The following MIB1 variants were observed in gnomAD, a reference collection of about 807,000 sequenced individuals.
MIB1 encodes E3 ubiquitin-protein ligase MIB1.
MIB1 carries 278 observed loss-of-function variants against 124.5 expected under a neutral mutation model. The observed-to-expected ratio is 2.23, with a 90% CI of 2.02 to 2.47. MIB1 has a LOEUF of 2.47. MIB1 is among the 30% of genes most tolerant of loss of function. The pLI is 0.00. For synonymous variants in MIB1, 446 were observed against 429.4 expected, an observed-to-expected ratio of 1.04 and a Z score of -0.48; for missense variants, 957 against 1,254.4, an observed-to-expected ratio of 0.76 and a Z score of 3.58.
rs2041149175 is a variant in MIB1 at position 21,765,707 on chromosome 18, CA to C, written c.230-63del. 33 of 1,474,666 alleles carry C rather than the reference CA, an allele frequency of 2.2e-5. No individual in the cohort carries two copies. The South Asian group carries it at 3.8e-4, about 17-fold the overall frequency. 91.3% of individuals were successfully genotyped at this position (1,474,666 alleles called of 1,614,324 possible). ...ATGTTCTGTTCTTATTTTTTTCCCC[CA>C]AGGAATAATATTCAAATAAATAAAA... On this transcript the variant is annotated intron_variant, in intron 1 of 20. Coordinates refer to ENST00000261537, the MANE Select transcript of MIB1 (RefSeq NM_020774.4).
rs765387378 is a variant in MIB1, at chr18:21,853,202, CAT to C, written c.2650_2651del (p.Met884ValfsTer4). The C allele has an allele frequency of 2.5e-5, 40 of 1,611,278 alleles. No homozygotes were observed. Among genetic ancestry groups the C allele is most frequent in the Non-Finnish European group, 2.9e-5 (34 of 1,177,824 alleles). ...AAVLFQPCGHMCACENCANLM... is the reference protein window; with the variant it reads ...AAVLFQPCGHXCACENCANLM... ...CTGTTCTTTTTCAACCCTGTGGCCA[CAT>C]GTGTGCTTGTGAGAGTAAGTAGCCT... is the stretch of plus-strand genomic sequence containing the variant. On this transcript the variant is annotated frameshift_variant, in exon 18 of 21. Transcript: ENST00000261537. LOFTEE classifies it high-confidence loss of function.
intron 6 of MIB1, among the ~76,000 whole-genome samples, chr18:21,784,609 T>G (rs777734981): frequency 1.3e-5 from 2 of 152,214 alleles, no homozygotes; most frequent in Admixed American, 1.3e-4. Flanking sequence ...ATTCCAGTAT[T>G]GTAATAATCT....
chr18:21,856,258 A>AAAC (rs2042227176), intron 18 of MIB1, among the ~76,000 whole-genome samples: 1 of 151,692 alleles, frequency 6.6e-6, no homozygotes, highest in South Asian at 2.1e-4. Context: ...AAAAAACAAA[A>AAAC]AACAAAACAA....
Position 21,799,830 on chromosome 18 carries a change from A to G in MIB1, c.1238-11A>G. 2 of 1,607,944 alleles carry G rather than the reference A, an allele frequency of 1.2e-6. No homozygotes were observed. Among genetic ancestry groups the G allele is most frequent in the South Asian group, 2.2e-5 (2 of 90,104 alleles). On this transcript the variant is annotated splice_polypyrimidine_tract_variant and intron_variant, in intron 8 of 20. Coordinates refer to ENST00000261537, the MANE Select transcript of MIB1 (RefSeq NM_020774.4). ...CCTCCTATATTAGCAGCTTTATTTG[A>G]TGCTTTACAGAAAGACTCTCACAAC...
chr18:21,854,840 C>A, intron 18 of MIB1: 1 of 205,224 alleles, frequency 4.9e-6, no homozygotes, highest in South Asian at 9.4e-5. Flanking sequence ...CCCTTGAAGT[C>A]TGCCTGGGCA....
At chr18:21,745,607 A>G (rs1352411309) in intron 1 of MIB1, among the ~76,000 whole-genome samples, 1 of 152,046 alleles carries the variant, frequency 6.6e-6, no homozygotes, top group African/African-American at 2.4e-5. Flanking sequence ...GAAGTACACC[A>G]GGGGCATTTA....
At chr18:21,790,325 A>C (rs1364894601) in intron 6 of MIB1, among the ~76,000 whole-genome samples, 1 of 152,236 alleles carries the variant, frequency 6.6e-6, no homozygotes, top group Non-Finnish European at 1.5e-5. Context: ...TACTGTACAT[A>C]TTGGTGACAA....
At chr18:21,717,105 A>G (rs1429497448) in intron 1 of MIB1, among the ~76,000 whole-genome samples, 1 of 152,300 alleles carries the variant, frequency 6.6e-6, no homozygotes, top group African/African-American at 2.4e-5. Flanking sequence ...AAACCCAAAT[A>G]CTTACAGCCA....
chr18:21,814,017 G>T (rs925315242), intron 10 of MIB1, among the ~76,000 whole-genome samples: 1 of 152,110 alleles, frequency 6.6e-6, no homozygotes, highest in Non-Finnish European at 1.5e-5. Context: ...ATACTTTTTG[G>T]TATAAGCTAT....
intron 3 of MIB1, among the ~76,000 whole-genome samples, chr18:21,772,625 G>A (rs528922871): frequency 2.0e-5 from 3 of 152,234 alleles, no homozygotes; most frequent in African/African-American, 4.8e-5. Flanking sequence ...TTTCAGATAA[G>A]TAAACTCAAC....
intron 12 of MIB1, chr18:21,829,022 C>T: frequency 2.1e-6 from 1 of 480,826 alleles, no homozygotes; most frequent in Admixed American, 2.2e-5. Context: ...AAAATACATA[C>T]TTCTTTACAT....
At chr18:21,819,189 C>T (rs1457445988) in intron 11 of MIB1, among the ~76,000 whole-genome samples, 4 of 152,134 alleles carry the variant, frequency 2.6e-5, no homozygotes, top group South Asian at 2.1e-4. Context: ...AGGTGCACAC[C>T]GCCGTGCCCG....
intron 12 of MIB1, among the ~76,000 whole-genome samples, chr18:21,824,248 C>T (rs1370518225): frequency 4.6e-5 from 7 of 152,084 alleles, no homozygotes; most frequent in Admixed American, 3.9e-4. Flanking sequence ...ATTTCACAGG[C>T]GTTTCTTATT....
chr18:21,824,161 G>GA (rs755127486), intron 12 of MIB1, among the ~76,000 whole-genome samples: 24 of 152,134 alleles, frequency 1.6e-4, no homozygotes, highest in Non-Finnish European at 3.2e-4. Flanking sequence ...AATAGAAATT[G>GA]AATGTGAAAA....
chr18:21,843,115 T>C lies in MIB1; in HGVS notation c.1963-16T>C. On this transcript the variant is annotated splice_polypyrimidine_tract_variant and intron_variant, in intron 13 of 20. Transcript: ENST00000261537. Reference sequence around the variant, plus strand: ...TGTCAAATTTTAACCATTTAACATTTGTTCTTCTCGTTCAGGGTAATGCAA... The same window carrying C: ...TGTCAAATTTTAACCATTTAACATTCGTTCTTCTCGTTCAGGGTAATGCAA... 6.3e-7 allele frequency: 1 copy of C among 1,588,682 alleles called. No individual in the cohort carries two copies. The highest frequency in any genetic ancestry group is 1.1e-5 in the South Asian group (1 of 87,198).
chr18:21,847,098 T>G lies in MIB1; in HGVS notation c.2366T>G (p.Leu789Arg). The G allele has an allele frequency of 6.2e-7, 1 of 1,614,108 alleles. No homozygotes were observed. Among genetic ancestry groups the G allele is most frequent in the Non-Finnish European group, 8.5e-7 (1 of 1,179,980 alleles). The change falls in exon 16 of 21, where the codon CTG (leucine) becomes CGG (arginine). Residue 789 changes from leucine (L) to arginine (R), a missense_variant. Transcript: ENST00000261537. ...CCTGATCCGAATCTCTGCAAAGCAC[T>G]GGCAAAGTGTCATAAGGAAAAAGTC... is the stretch of plus-strand genomic sequence containing the variant. The part of the protein sequence containing the change: ...LCPDPNLCKA[L>R]AKCHKEKVSG...
rs758653231 is a variant in MIB1, at chr18:21,779,663, G to T, written c.886G>T (p.Val296Leu). ...CATTGATGAAGATCATGACATTGTAGTACAGTATCCAAGTGGCAATAGGTG... is the reference window on the plus strand; with the variant it reads ...CATTGATGAAGATCATGACATTGTATTACAGTATCCAAGTGGCAATAGGTG... The part of the protein sequence containing the change: ...CGIDEDHDIV[V>L]QYPSGNRWTF... The change falls in exon 6 of 21, where the codon GTA (valine) becomes TTA (leucine). Residue 296 changes from valine to leucine, a missense_variant. Val to Leu is a conservative substitution (Grantham distance 32). Coordinates refer to ENST00000261537, the MANE Select transcript of MIB1 (RefSeq NM_020774.4). 4 of 1,613,844 alleles carry T rather than the reference G, an allele frequency of 2.5e-6. No individual in the cohort carries two copies. In the South Asian group the frequency reaches 4.4e-5, roughly 18 times the overall value.
Position 21,818,898 on chromosome 18 carries a change from G to A in MIB1, c.1678-597G>A, listed in dbSNP as rs190507412. On this transcript the variant is annotated intron_variant, in intron 11 of 20. Coordinates refer to ENST00000261537, the MANE Select transcript of MIB1 (RefSeq NM_020774.4). Reference sequence around the variant, plus strand: ...TGCAGTGAGCTGAGATCGCGCTATTGTACTCCAGCCTGAGTGAAAGAGCGA... The same window carrying A: ...TGCAGTGAGCTGAGATCGCGCTATTATACTCCAGCCTGAGTGAAAGAGCGA... Among the ~76,000 whole-genome samples the A allele has an allele frequency of 3.0e-3, 454 of 152,144 alleles. 2 individuals carry two copies. The highest frequency in any genetic ancestry group is 0.01 in the African/African-American group (430 of 41,516).
At chr18:21,828,442 G>A (rs1304754877) in intron 12 of MIB1, 2 of 151,888 alleles carry the variant, frequency 1.3e-5, no homozygotes, top group Non-Finnish European at 2.9e-5. Context: ...CACTATGTTT[G>A]TAGCTGTCAA....
Sources: gnomAD v4.1 joint callset for allele counts (sites outside exome capture counted in the v4.1 genomes callset) on GRCh38, gnomAD v4.1.1 for gene constraint, MANE v1.5 for transcripts, NCBI Gene and HGNC (gene_info 2026-07-23, HGNC 2026-07-21) for gene names.